Variants in NRXN1 observed in about 807,000 individuals in gnomAD.
NRXN1 encodes neurexin-1.
A neutral mutation model predicts 150.9 loss-of-function variants in NRXN1; 39 were observed. The observed-to-expected ratio is 0.26, with a 90% CI of 0.20 to 0.34. NRXN1 has a LOEUF of 0.34. Ranked by LOEUF, NRXN1 falls within the 10% of genes least tolerant of loss-of-function variation. The probability of loss-of-function intolerance (pLI) is 1.00; values close to 1 mark genes in which losing one functional copy is unlikely to be tolerated. For missense variants in NRXN1, 1,815 were observed against 1,949.9 expected (o/e 0.93, Z 1.30); for synonymous variants, 924 against 757.0 (o/e 1.22, Z -3.62).
At chr2:50,393,362 T>A (rs1277032187) in intron 17 of NRXN1, among the ~76,000 whole-genome samples, 1 of 152,092 alleles carries the variant, frequency 6.6e-6, no homozygotes, top group Non-Finnish European at 1.5e-5. Context: ...ATTTAATTTA[T>A]CTGCTTGCTG....
chr2:50,730,672 C>CTTTTTTTTTTTTTTTTTTTTTTT (rs56042523), intron 5 of NRXN1, among the ~76,000 whole-genome samples: 4 of 122,026 alleles, frequency 3.3e-5, no homozygotes, highest in Non-Finnish European at 4.9e-5. Context: ...TTCTTGTTTT[C>CTTTTTTTTTTTTTTTTTTTTTTT]TTTTTTTTTT....
At chr2:50,451,734 A>C (rs1450917478) in intron 17 of NRXN1, among the ~76,000 whole-genome samples, 3 of 152,230 alleles carry the variant, frequency 2.0e-5, no homozygotes, top group African/African-American at 7.2e-5. Context: ...ATGGAATTTG[A>C]AATGAGTTCT....
intron 17 of NRXN1, among the ~76,000 whole-genome samples, chr2:50,259,211 T>C (rs762919928): frequency 2.0e-5 from 3 of 151,954 alleles, no homozygotes; most frequent in Non-Finnish European, 4.4e-5. Flanking sequence ...TCAAAAACTA[T>C]ATAAAGCTGT....
chr2:50,740,007 A>C (rs138068231), intron 5 of NRXN1, among the ~76,000 whole-genome samples: 1 of 152,296 alleles, frequency 6.6e-6, no homozygotes, highest in East Asian at 1.9e-4. Context: ...CTTAGCCTTT[A>C]TATCACTTCT....
chr2:50,862,729 C>T (rs757031152), intron 5 of NRXN1, among the ~76,000 whole-genome samples: 3 of 152,092 alleles, frequency 2.0e-5, no homozygotes, highest in Non-Finnish European at 4.4e-5. Flanking sequence ...CTTTCAATTA[C>T]TGCTAATATC....
chr2:50,664,563 C>A (rs1687761831), intron 5 of NRXN1, among the ~76,000 whole-genome samples: 3 of 151,710 alleles, frequency 2.0e-5, no homozygotes, highest in East Asian at 3.9e-4. Context: ...AAAGGCAAAG[C>A]CCTTGATTCG....
intron 17 of NRXN1, among the ~76,000 whole-genome samples, chr2:50,393,271 T>C (rs1479555773): frequency 2.0e-5 from 3 of 152,110 alleles, no homozygotes; most frequent in South Asian, 4.1e-4. Flanking sequence ...CTGTTTTTCT[T>C]ATCATACTGC....
At chr2:50,221,219 G>A (rs116146731) in intron 18 of NRXN1, among the ~76,000 whole-genome samples, 3,107 of 151,926 alleles carry the variant, frequency 0.02, 112 homozygotes, top group African/African-American at 0.07. Context: ...TTATCTGTTC[G>A]CTGCCTAACA....
At chr2:49,993,264 G>T (rs764099650) in intron 21 of NRXN1, among the ~76,000 whole-genome samples, 12 of 152,166 alleles carry the variant, frequency 7.9e-5, no homozygotes, top group East Asian at 3.9e-4. Flanking sequence ...AAAAAGACAT[G>T]AAGGAATCTT....
At chr2:50,581,927 A>C (rs182977268) in intron 8 of NRXN1, among the ~76,000 whole-genome samples, 4 of 152,286 alleles carry the variant, frequency 2.6e-5, no homozygotes, top group Admixed American at 1.3e-4. Flanking sequence ...GTGGAGAGTG[A>C]CATCTTAAAA....
intron 5 of NRXN1, among the ~76,000 whole-genome samples, chr2:50,755,122 C>T (rs562004379): frequency 1.3e-5 from 2 of 151,876 alleles, no homozygotes; most frequent in Admixed American, 6.6e-5. Context: ...CCTGGCTCCC[C>T]GCCAGAGCCT....
At position 50,742,392 on chromosome 2, in the gene NRXN1, G is replaced by A. The variant is rs191359169; in HGVS notation, c.833-118777C>T. Among the ~76,000 whole-genome samples, 264 of 151,768 alleles carry A rather than the reference G, an allele frequency of 1.7e-3. 2 individuals are homozygous for A. Among genetic ancestry groups the A allele is most frequent in the African/African-American group, 6.1e-3 (253 of 41,420 alleles). On this transcript the variant is annotated intron_variant, in intron 5 of 22. Coordinates refer to ENST00000401669, the MANE Select transcript of NRXN1 (RefSeq NM_001330078.2). ...CCCAAGTTTGGCACTTTGGGAGGCC[G>A]AGGCAGGTGGATCACAAAGTCAGGG...
chr2:50,132,040 C>T (rs1383697991), intron 18 of NRXN1, among the ~76,000 whole-genome samples: 1 of 152,132 alleles, frequency 6.6e-6, no homozygotes, highest in Non-Finnish European at 1.5e-5. Flanking sequence ...TTTCCATTTG[C>T]AATTCTAAAA....
chr2:50,652,096 T>C (rs1353266143), intron 5 of NRXN1, among the ~76,000 whole-genome samples: 1 of 151,990 alleles, frequency 6.6e-6, no homozygotes, highest in Non-Finnish European at 1.5e-5. Flanking sequence ...CAAAGGTTTG[T>C]TATGTTTCCA....
intron 17 of NRXN1, among the ~76,000 whole-genome samples, chr2:50,366,102 G>C (rs1262108083): frequency 6.7e-6 from 1 of 149,534 alleles, no homozygotes; most frequent in Non-Finnish European, 1.5e-5. Flanking sequence ...ATAAGAATAG[G>C]TTAGTTGGGT....
intron 2 of NRXN1, among the ~76,000 whole-genome samples, chr2:50,945,530 A>G (rs960604859): frequency 6.6e-6 from 1 of 151,802 alleles, no homozygotes; most frequent in African/African-American, 2.4e-5. Flanking sequence ...ATATATATAT[A>G]TATATATGGC....
At position 50,008,467 on chromosome 2, in the gene NRXN1, C is replaced by CTTTT. The variant is rs1329595381; in HGVS notation, c.4128+44803_4128+44804insAAAA. ...TGAAAACTCCTTTGGAGAAGGATGCCATTTTTTTTTTTTTTTTGAGATGGA... is the reference window on the plus strand; with the variant it reads ...TGAAAACTCCTTTGGAGAAGGATGCCTTTTATTTTTTTTTTTTTTTTGAGATGGA... On this transcript the variant is annotated intron_variant, in intron 21 of 22. Coordinates refer to ENST00000401669, the MANE Select transcript of NRXN1 (RefSeq NM_001330078.2). Among the ~76,000 whole-genome samples the CTTTT allele has an allele frequency of 5.8e-5, 6 of 102,586 alleles. No homozygotes were observed. In the South Asian group the frequency reaches 1.1e-3, roughly 19 times the overall value. 67.3% of individuals were successfully genotyped at this position (102,586 alleles called of 152,430 possible).
chr2:50,908,511 G>A (rs543690525), intron 5 of NRXN1, among the ~76,000 whole-genome samples: 2 of 151,926 alleles, frequency 1.3e-5, no homozygotes, highest in Non-Finnish European at 2.9e-5. Context: ...TTTAGACTTG[G>A]CTTTAAGAGG....
rs2088725688 is a variant in NRXN1, at chr2:50,465,463, T to C, written c.3343A>G (p.Ser1115Gly). ...FSCDCSMTSF[S>G]GPLCNDPGTT... is the part of the protein sequence containing the mutation. Reference sequence around the variant, plus strand: ...TTACGGTCATTGCAGAGTGGTCCACTGAAGGAAGTCATACTACAGTCACAG... The same window carrying C: ...TTACGGTCATTGCAGAGTGGTCCACCGAAGGAAGTCATACTACAGTCACAG... The change falls in exon 17 of 23, where the codon AGT becomes GGT. Residue 1115 changes from serine to glycine, a missense_variant. Coordinates refer to ENST00000401669, the MANE Select transcript of NRXN1 (RefSeq NM_001330078.2). The C allele has an allele frequency of 1.2e-6, 2 of 1,610,102 alleles. No individual in the cohort carries two copies. The highest frequency in any genetic ancestry group is 1.7e-5 in the Admixed American group (1 of 59,610).
Sources: gnomAD v4.1 joint callset for allele counts (sites outside exome capture counted in the v4.1 genomes callset) on GRCh38, gnomAD v4.1.1 for gene constraint, MANE v1.5 for transcripts, NCBI Gene and HGNC (gene_info 2026-07-23, HGNC 2026-07-21) for gene names.